Variants in ZC3HAV1L observed in about 807,000 individuals in gnomAD.
ZC3HAV1L encodes ZC3HAV1 like.
ZC3HAV1L carries 23 observed loss-of-function variants against 28.2 expected under a neutral mutation model. That is an observed-to-expected ratio of 0.82 (90% CI 0.59 to 1.16). ZC3HAV1L has a LOEUF of 1.16. Ranked by LOEUF, ZC3HAV1L falls within the 50% of genes most tolerant of loss-of-function variation. ZC3HAV1L has a pLI of 0.00. For missense variants in ZC3HAV1L, 376 were observed against 387.7 expected (o/e 0.97, Z 0.25); for synonymous variants, 180 against 163.4 (o/e 1.10, Z -0.78).
downstream of ZC3HAV1L, among the ~76,000 whole-genome samples, chr7:139,022,115 G>C (rs1048925430): frequency 6.6e-6 from 1 of 152,072 alleles, no homozygotes; most frequent in Non-Finnish European, 1.5e-5. Context: ...TAAATCCCTC[G>C]ATGGAAAGAA....
downstream of ZC3HAV1L, among the ~76,000 whole-genome samples, chr7:139,021,812 A>G (rs924686345): frequency 1.3e-5 from 2 of 152,128 alleles, no homozygotes; most frequent in Non-Finnish European, 2.9e-5. Context: ...TAATGAAAAA[A>G]TATCAAAAAA....
Position 139,035,846 on chromosome 7 carries a change from CCTG to C in ZC3HAV1L, c.169_171del (p.Gln57del). On this transcript the variant is annotated inframe_deletion, in exon 1 of 5. Transcript: ENST00000275766. ...TCGGCCTCCGCGTCCCCGAGGCCCT[CCTG>C]CGTCTCCACCTCCTGCAGCAGGAAA... 1.3e-6 allele frequency: 2 copies of C among 1,500,646 alleles called. No homozygotes were observed. The highest frequency in any genetic ancestry group is 1.8e-6 in the Non-Finnish European group (2 of 1,132,830). 93.0% of individuals were successfully genotyped at this position (1,500,646 alleles called of 1,614,324 possible). A position where few individuals can be genotyped will look rare whatever the true frequency, so the allele number is the denominator to read the frequency against.
intron 2 of ZC3HAV1L, among the ~76,000 whole-genome samples, chr7:139,033,544 C>T (rs1815599017): frequency 1.3e-5 from 2 of 152,190 alleles, no homozygotes; most frequent in South Asian, 4.1e-4. Context: ...ATGTCACCTA[C>T]TTCCAGTCCC....
chr7:139,035,329 T>C lies in ZC3HAV1L; in HGVS notation c.365+324A>G, dbSNP rs1458194366. On this transcript the variant is annotated intron_variant, in intron 1 of 4. Coordinates refer to ENST00000275766, the MANE Select transcript of ZC3HAV1L (RefSeq NM_080660.4). Reference sequence around the variant, plus strand: ...CACGCCCCCCACCTCCCGCCAAATATCACCAGAATAAGTGAGCTCCGAAGT... The same window carrying C: ...CACGCCCCCCACCTCCCGCCAAATACCACCAGAATAAGTGAGCTCCGAAGT... 6.1e-6 allele frequency: 6 copies of C among 984,184 alleles called. No individual in the cohort carries two copies. The South Asian group carries it at 1.4e-4, about 23-fold the overall frequency. The allele number at this position is 984,184 out of a possible 1,614,324, so 61.0% of individuals were successfully genotyped here.
chr7:139,032,368 C>T (rs1815559534), intron 2 of ZC3HAV1L, among the ~76,000 whole-genome samples: 1 of 152,136 alleles, frequency 6.6e-6, no homozygotes, highest in Non-Finnish European at 1.5e-5. Flanking sequence ...GGCACAGTGG[C>T]TCACACCTAT....
intron 1 of ZC3HAV1L, chr7:139,035,022 C>A: frequency 1.0e-6 from 1 of 985,426 alleles, no homozygotes; most frequent in Non-Finnish European, 1.2e-6. Flanking sequence ...CGCCCCTATC[C>A]CCAGCACCGC....
downstream of ZC3HAV1L, chr7:139,022,361 T>C (rs941615266): frequency 7.3e-6 from 3 of 411,644 alleles, no homozygotes; most frequent in African/African-American, 2.1e-5. Context: ...CTGGGCAACA[T>C]AGTGAGACCT....
Position 139,033,966 on chromosome 7 carries a change from G to A in ZC3HAV1L, c.501+577C>T, listed in dbSNP as rs919199800. 10 of 985,246 alleles carry A rather than the reference G, an allele frequency of 1.0e-5. No individual in the cohort carries two copies. The South Asian group carries it at 1.4e-4, about 14-fold the overall frequency. 61.0% of individuals were successfully genotyped at this position (985,246 alleles called of 1,614,324 possible). A position where few individuals can be genotyped will look rare whatever the true frequency, so the allele number is the denominator to read the frequency against. ...CATACCAGACTTGGCTTCAGTGCTC[G>A]AAGAAATGAAACAGGTTATGCATGT... is the stretch of plus-strand genomic sequence containing the variant. On this transcript the variant is annotated intron_variant, in intron 2 of 4. Transcript: ENST00000275766.
At chr7:139,035,629 C>T (rs1815685041) in intron 1 of ZC3HAV1L, 24 bp downstream of exon 1, 2 of 1,386,472 alleles carry the variant, frequency 1.4e-6, no homozygotes, top group Non-Finnish European at 1.9e-6. Flanking sequence ...CGCCCACAGT[C>T]CCCGCCCGCC....
Position 139,035,985 on chromosome 7 carries a change from G to A in ZC3HAV1L, c.33C>T (p.Thr11=). 2 of 1,525,360 alleles carry A rather than the reference G, an allele frequency of 1.3e-6. No homozygotes were observed. The highest frequency in any genetic ancestry group is 2.4e-5 in the South Asian group (2 of 82,816). The allele number at this position is 1,525,360 out of a possible 1,614,324, so 94.5% of individuals were successfully genotyped here. ...GGCCGCCGTGGGCGCACAGCACCTTGGTGAGGAAGGAGCACACTGTGGGCT... is the reference window on the plus strand; with the variant it reads ...GGCCGCCGTGGGCGCACAGCACCTTAGTGAGGAAGGAGCACACTGTGGGCT... MAEPTVCSFL[T]KVLCAHGGRM... Residue 11 remains threonine (T), a synonymous_variant, in exon 1 of 5, where the codon ACC becomes ACT. Transcript: ENST00000275766.
At chr7:139,026,658 C>T in intron 4 of ZC3HAV1L, 50 bp downstream of exon 4, 1 of 1,612,494 alleles carries the variant, frequency 6.2e-7, no homozygotes, top group Non-Finnish European at 8.5e-7. Flanking sequence ...TTCAGATCTT[C>T]CAAGCTGGAC....
downstream of ZC3HAV1L, chr7:139,022,252 G>C (rs924466779): frequency 5.8e-5 from 10 of 171,734 alleles, no homozygotes; most frequent in Non-Finnish European, 1.1e-4. Flanking sequence ...TTTAATATTG[G>C]AAAAAATATG....
Position 139,034,654 on chromosome 7 carries a change from A to G in ZC3HAV1L, c.390T>C (p.Asp130=). The G allele has an allele frequency of 6.2e-7, 1 of 1,613,922 alleles. No individual in the cohort carries two copies. The highest frequency in any genetic ancestry group is 8.5e-7 in the Non-Finnish European group (1 of 1,179,870). Residue 130 remains aspartate (D), a synonymous_variant, in exon 2 of 5, where the codon GAT becomes GAC. Coordinates refer to ENST00000275766, the MANE Select transcript of ZC3HAV1L (RefSeq NM_080660.4). ...DCWSTCTLSH[D]IHTPVNMQVL... ...CCTGCATGTTGACAGGTGTGTGGAT[A>G]TCATGGGAAAGGGTACAGGTAGACC... is the stretch of plus-strand genomic sequence containing the variant.
At chr7:139,030,172 G>A (rs557409317) in intron 2 of ZC3HAV1L, among the ~76,000 whole-genome samples, 40 of 152,300 alleles carry the variant, frequency 2.6e-4, no homozygotes, top group African/African-American at 8.4e-4. Flanking sequence ...CTGGCTGGGC[G>A]CGGTGCCTCA....
At chr7:139,022,314 C>T (rs1353022288), downstream of ZC3HAV1L, 8 of 308,480 alleles carry the variant, frequency 2.6e-5, no homozygotes, top group Non-Finnish European at 4.1e-5. Context: ...GAGGCCAAGG[C>T]GGGAGGACTG....
At chr7:139,035,152 C>A in intron 1 of ZC3HAV1L, 5 of 985,484 alleles carry the variant, frequency 5.1e-6, no homozygotes, top group Non-Finnish European at 6.0e-6. Context: ...GGGCCTCACC[C>A]AAGCCATCCA....
chr7:139,028,206 C>T (rs1281751934), intron 3 of ZC3HAV1L, among the ~76,000 whole-genome samples: 1 of 151,812 alleles, frequency 6.6e-6, no homozygotes, highest in Non-Finnish European at 1.5e-5. Context: ...AACCCCGCCT[C>T]GACTAAGAAT....
rs865896552 is a variant in ZC3HAV1L, at chr7:139,035,818, G to T, written c.200C>A (p.Ala67Glu). The stretch of plus-strand genomic sequence containing the variant: ...GCCACCGCCCACCGCGCCGGCCGCC[G>T]CCTCGGCCTCCGCGTCCCCGAGGCC... ...QEGLGDAEAEAAAGAVGGGGT... is the reference protein window; with the variant it reads ...QEGLGDAEAEEAAGAVGGGGT... Residue 67 changes from alanine to glutamate, a missense_variant, in exon 1 of 5, where the codon GCG (alanine) becomes GAG (glutamate). Physicochemically the swap from Ala to Glu is moderately radical, Grantham distance 107 (BLOSUM62 -1). Transcript: ENST00000275766. 1 of 1,484,114 alleles carries T rather than the reference G, an allele frequency of 6.7e-7. No homozygotes were observed. Among genetic ancestry groups the T allele is most frequent in the Non-Finnish European group, 8.9e-7 (1 of 1,126,324 alleles). 91.9% of individuals were successfully genotyped at this position (1,484,114 alleles called of 1,614,324 possible). A position where few individuals can be genotyped will look rare whatever the true frequency, so the allele number is the denominator to read the frequency against.
At chr7:139,031,509 C>T (rs529598056) in intron 2 of ZC3HAV1L, among the ~76,000 whole-genome samples, 13 of 152,062 alleles carry the variant, frequency 8.5e-5, no homozygotes, top group Admixed American at 1.3e-4. Context: ...TTGCTTGAAC[C>T]TGGGAGGCAG....
Sources: allele counts gnomAD v4.1 joint callset (sites outside exome capture counted in the v4.1 genomes callset), GRCh38; gene constraint gnomAD v4.1.1; transcripts MANE v1.5; gene names NCBI Gene and HGNC (gene_info 2026-07-23, HGNC 2026-07-21).